CDH9: variants seen among roughly 807,000 people sequenced by gnomAD.
CDH9 encodes cadherin-9.
Under a neutral mutation model 70.9 loss-of-function variants are expected in CDH9, and 28 were observed. That is an observed-to-expected ratio of 0.40 (90% CI 0.29 to 0.54). The LOEUF (loss-of-function observed/expected upper bound fraction) is 0.54, where lower values mean the gene tolerates loss of function less well. Among genes scored for constraint, CDH9 ranks in the 20% least tolerant of loss-of-function variants. The pLI, the probability that CDH9 is intolerant of heterozygous loss-of-function variation, is 0.59. For synonymous variants in CDH9, 409 were observed against 343.1 expected (o/e 1.19, Z -2.12); for missense variants, 874 against 984.4 (o/e 0.89, Z 1.50).
At chr5:26,949,597 T>C (rs1374865869) in intron 2 of CDH9, among the ~76,000 whole-genome samples, 1 of 152,190 alleles carries the variant, frequency 6.6e-6, no homozygotes, top group Non-Finnish European at 1.5e-5. Context: ...CTCATGTTCA[T>C]CATGCCACAG....
chr5:26,958,988 A>G (rs1270064154), intron 2 of CDH9, among the ~76,000 whole-genome samples: 2 of 152,178 alleles, frequency 1.3e-5, no homozygotes, highest in Non-Finnish European at 2.9e-5. Context: ...CACAAACAAC[A>G]AAAGACAATA....
intron 5 of CDH9, among the ~76,000 whole-genome samples, chr5:26,904,376 AC>A (rs1740910358): frequency 2.4e-4 from 1 of 4,158 alleles, no homozygotes; most frequent in Admixed American, 6.3e-3. Context: ...TATTCTGGTA[AC>A]CCTAAAAAGC....
intron 1 of CDH9, among the ~76,000 whole-genome samples, chr5:26,996,660 A>T (rs766244935): frequency 1.6e-4 from 25 of 151,970 alleles, no homozygotes; most frequent in Non-Finnish European, 2.9e-4. Context: ...TACATTTATT[A>T]TATAACCATA....
intron 7 of CDH9, among the ~76,000 whole-genome samples, chr5:26,900,387 A>G (rs918154275): frequency 3.9e-5 from 6 of 152,056 alleles, no homozygotes; most frequent in South Asian, 4.1e-4. Flanking sequence ...TTACAGAAAA[A>G]CAAAACTATA....
At chr5:26,983,290 G>A (rs928436785) in intron 2 of CDH9, among the ~76,000 whole-genome samples, 1 of 152,050 alleles carries the variant, frequency 6.6e-6, no homozygotes, top group Non-Finnish European at 1.5e-5. Context: ...GAATACTAAC[G>A]GACAATTTGA....
intron 2 of CDH9, among the ~76,000 whole-genome samples, chr5:26,983,037 TA>T (rs1742427643): frequency 6.6e-6 from 1 of 152,080 alleles, no homozygotes; most frequent in Non-Finnish European, 1.5e-5. Context: ...TAATTCTAGC[TA>T]GGGAAAATGA....
chr5:26,925,466 T>C (rs1741321027), intron 2 of CDH9, among the ~76,000 whole-genome samples: 1 of 152,164 alleles, frequency 6.6e-6, no homozygotes, highest in African/African-American at 2.4e-5. Flanking sequence ...GTCAGATGGG[T>C]AGATTGCAAA....
chr5:26,927,844 GACACTGTCTGAAAACATC>G, intron 2 of CDH9, among the ~76,000 whole-genome samples: 1 of 152,054 alleles, frequency 6.6e-6, no homozygotes, highest in East Asian at 1.9e-4. Flanking sequence ...GTAATTCCAT[GACACTGTCTGAAAACATC>G]ACCCCTACTT....
At chr5:26,909,404 T>G (rs955592794) in intron 3 of CDH9, among the ~76,000 whole-genome samples, 2 of 151,952 alleles carry the variant, frequency 1.3e-5, no homozygotes, top group African/African-American at 4.8e-5. Context: ...CTTTAGTTAT[T>G]TAAAATAAAT....
rs987476665 is a variant in CDH9, at chr5:26,885,709, T to C, written c.1787A>G (p.Asn596Ser). 3 of 1,613,608 alleles carry C rather than the reference T, an allele frequency of 1.9e-6. No individual in the cohort carries two copies. Among genetic ancestry groups the C allele is most frequent in the Non-Finnish European group, 2.5e-6 (3 of 1,179,820 alleles). The change falls in exon 11 of 12, where the codon AAC becomes AGC. Residue 596 changes from asparagine (N) to serine (S), a missense_variant. Physicochemically the swap from Asn to Ser is conservative, Grantham distance 46. Coordinates refer to ENST00000231021, the MANE Select transcript of CDH9 (RefSeq NM_016279.4). ...IRVCACDNQG[N>S]MQSCTAEALI... ...GGCTTCTGCGGTGCAGGATTGCATG[T>C]TTCCTTGATTATCGCAGGCACACAC...
chr5:27,020,170 T>C (rs958103113), intron 1 of CDH9, among the ~76,000 whole-genome samples: 1 of 151,944 alleles, frequency 6.6e-6, no homozygotes, highest in Admixed American at 6.6e-5. Context: ...GCCTACTATG[T>C]TATTTTGAGT....
At chr5:27,021,388 A>T (rs1396011158) in intron 1 of CDH9, among the ~76,000 whole-genome samples, 1 of 151,862 alleles carries the variant, frequency 6.6e-6, no homozygotes, top group Non-Finnish European at 1.5e-5. Flanking sequence ...TAATAAAAAT[A>T]TATTACAAAA....
At chr5:27,029,082 C>T (rs1264109296) in intron 1 of CDH9, among the ~76,000 whole-genome samples, 1 of 151,916 alleles carries the variant, frequency 6.6e-6, no homozygotes, top group Non-Finnish European at 1.5e-5. Flanking sequence ...CTCAATTTGA[C>T]AACATCTTAT....
intron 2 of CDH9, among the ~76,000 whole-genome samples, chr5:26,986,301 C>G (rs1742487019): frequency 6.6e-6 from 1 of 151,760 alleles, no homozygotes; most frequent in African/African-American, 2.4e-5. Context: ...CCTAACTTGT[C>G]CACGCATAAA....
chr5:26,997,900 A>G (rs1050737612), intron 1 of CDH9, among the ~76,000 whole-genome samples: 28 of 152,100 alleles, frequency 1.8e-4, no homozygotes, highest in African/African-American at 6.8e-4. Context: ...GTGTTTCACC[A>G]TGTTAGCCCG....
At chr5:26,975,278 A>G (rs1742286906) in intron 2 of CDH9, among the ~76,000 whole-genome samples, 1 of 152,126 alleles carries the variant, frequency 6.6e-6, no homozygotes, top group African/African-American at 2.4e-5. Flanking sequence ...GCAGATTCCA[A>G]TTTGAAGGTT....
chr5:26,924,835 G>T (rs1454871313), intron 2 of CDH9, among the ~76,000 whole-genome samples: 1 of 141,280 alleles, frequency 7.1e-6, no homozygotes, highest in Non-Finnish European at 1.5e-5. Context: ...AGTTTGCCGA[G>T]AATGATGGTT....
At chr5:26,975,037 A>T (rs1163929216) in intron 2 of CDH9, among the ~76,000 whole-genome samples, 1 of 152,148 alleles carries the variant, frequency 6.6e-6, no homozygotes, top group African/African-American at 2.4e-5. Context: ...AGAATAAAAA[A>T]ACAGAAAGTT....
chr5:26,977,489 A>ATATATATATATATATATATATATATATG (rs1401713640), intron 2 of CDH9, among the ~76,000 whole-genome samples: 6 of 129,100 alleles, frequency 4.6e-5, no homozygotes, highest in African/African-American at 2.7e-4. Context: ...GTGTGTGTAT[A>ATATATATATATATATATATATATATATG]TATATATATA....
Sources: gnomAD v4.1 joint callset for allele counts (sites outside exome capture counted in the v4.1 genomes callset) on GRCh38, gnomAD v4.1.1 for gene constraint, MANE v1.5 for transcripts, NCBI Gene and HGNC (gene_info 2026-07-23, HGNC 2026-07-21) for gene names.